Variants in CNTN5 observed in about 807,000 individuals in gnomAD.
CNTN5 encodes the protein contactin-5.
A neutral mutation model predicts 129.1 loss-of-function variants in CNTN5; 77 were observed. The ratio of observed to expected loss-of-function variants is 0.60; its 90% confidence interval spans 0.50 to 0.72. The LOEUF (loss-of-function observed/expected upper bound fraction) is 0.72. Ranked by LOEUF, CNTN5 falls within the 30% of genes least tolerant of loss-of-function variation. The probability of loss-of-function intolerance (pLI) is 0.00; values close to 1 mark genes in which losing one functional copy is unlikely to be tolerated. For missense variants in CNTN5, 1,478 were observed against 1,328.8 expected (o/e 1.11, Z -1.75); for synonymous variants, 509 against 465.6 (o/e 1.09, Z -1.20).
chr11:99,931,194 G>GA (rs1164209524), intron 7 of CNTN5, among the ~76,000 whole-genome samples: 2 of 152,052 alleles, frequency 1.3e-5, no homozygotes, highest in Non-Finnish European at 2.9e-5. Flanking sequence ...TATTTCAATA[G>GA]AAAAATGTTT....
intron 1 of CNTN5, among the ~76,000 whole-genome samples, chr11:99,323,319 T>G (rs1865647103): frequency 6.6e-6 from 1 of 152,150 alleles, no homozygotes. Flanking sequence ...CATACTGTCT[T>G]AAAGACAAGC....
intron 3 of CNTN5, among the ~76,000 whole-genome samples, chr11:99,785,698 A>G (rs897253736): frequency 2.0e-5 from 3 of 152,138 alleles, no homozygotes; most frequent in Admixed American, 6.5e-5. Context: ...GGTTCAACAT[A>G]TACAAATCAA....
At chr11:99,296,343 A>G (rs907041957) in intron 1 of CNTN5, among the ~76,000 whole-genome samples, 1 of 152,168 alleles carries the variant, frequency 6.6e-6, no homozygotes, top group African/African-American at 2.4e-5. Context: ...TGAATGGCAG[A>G]GATAGTCTTT....
intron 1 of CNTN5, among the ~76,000 whole-genome samples, chr11:99,042,379 T>C (rs1452369168): frequency 5.9e-5 from 8 of 134,664 alleles, no homozygotes; most frequent in African/African-American, 2.2e-4. Context: ...TTTTTTTTTT[T>C]TTTTTTTTTT....
chr11:100,077,439 T>C (rs1015663215), intron 13 of CNTN5, among the ~76,000 whole-genome samples: 2 of 152,160 alleles, frequency 1.3e-5, no homozygotes, highest in East Asian at 3.8e-4. Context: ...TCCAAAGAAC[T>C]ATTGAAACAG....
At chr11:99,375,500 A>C (rs1385592269) in intron 2 of CNTN5, among the ~76,000 whole-genome samples, 3 of 152,132 alleles carry the variant, frequency 2.0e-5, no homozygotes, top group African/African-American at 7.2e-5. Flanking sequence ...GATGGAGTTT[A>C]TTAAAGAACA....
rs373213109 is a variant in CNTN5, at chr11:99,796,396, TA to T, written c.56-23147del. 3.7e-4 allele frequency among the ~76,000 whole-genome samples: 56 copies of T among 151,556 alleles called. 1 individual carries two copies. Among genetic ancestry groups the T allele is most frequent in the Non-Finnish European group, 4.6e-4 (31 of 67,816 alleles). On this transcript the variant is annotated intron_variant, in intron 3 of 24. Coordinates refer to ENST00000524871, the MANE Select transcript of CNTN5 (RefSeq NM_014361.4). Reference sequence around the variant, plus strand: ...GTATGCATGTGTGCTGGCAAAGTGATAGGGGGGTAGCCATAGGCAAGTGTAT... The same window carrying T: ...GTATGCATGTGTGCTGGCAAAGTGATGGGGGGTAGCCATAGGCAAGTGTAT...
At chr11:99,242,936 T>C (rs973114226) in intron 1 of CNTN5, among the ~76,000 whole-genome samples, 2 of 152,098 alleles carry the variant, frequency 1.3e-5, no homozygotes, top group African/African-American at 4.8e-5. Context: ...GACAGTGCTG[T>C]GATGAACCTG....
chr11:99,267,918 A>ACACG (rs1555095720), intron 1 of CNTN5, among the ~76,000 whole-genome samples: 28 of 117,134 alleles, frequency 2.4e-4, no homozygotes, highest in Non-Finnish European at 4.4e-4. Context: ...ACACACACAC[A>ACACG]CGCACACACA....
At chr11:100,199,219 A>G (rs1948717305) in intron 15 of CNTN5, among the ~76,000 whole-genome samples, 1 of 151,706 alleles carries the variant, frequency 6.6e-6, no homozygotes, top group Admixed American at 6.6e-5. Flanking sequence ...GGAAGATCTA[A>G]CAAAGGCTCA....
At chr11:100,224,952 C>A (rs889227745) in intron 16 of CNTN5, 140 bp downstream of exon 16, 3 of 829,384 alleles carry the variant, frequency 3.6e-6, no homozygotes, top group African/African-American at 3.4e-5. Context: ...TTCGCTTAAC[C>A]TTTTGCCTTT....
chr11:99,385,404 C>T (rs1194483787), intron 2 of CNTN5, among the ~76,000 whole-genome samples: 1 of 152,056 alleles, frequency 6.6e-6, no homozygotes, highest in East Asian at 1.9e-4. Context: ...ATCACCAATC[C>T]AGCTTGGATT....
At chr11:99,980,948 T>A (rs11821899) in intron 8 of CNTN5, among the ~76,000 whole-genome samples, 44,378 of 151,072 alleles carry the variant, frequency 0.29, 6,877 homozygotes, top group African/African-American at 0.38. Context: ...AAGCAATATA[T>A]TAAAGGGTTA....
chr11:99,282,028 G>T (rs765324258), intron 1 of CNTN5, among the ~76,000 whole-genome samples: 48 of 151,600 alleles, frequency 3.2e-4, no homozygotes, highest in African/African-American at 1.1e-3. Flanking sequence ...TTTTTGTTTT[G>T]TTTTACTGTG....
chr11:99,056,743 G>A (rs1864640371), intron 1 of CNTN5, among the ~76,000 whole-genome samples: 1 of 151,936 alleles, frequency 6.6e-6, no homozygotes, highest in African/African-American at 2.4e-5. Context: ...ACAAGACAGG[G>A]TCCTGCTGCA....
At chr11:100,219,518 A>C (rs1355559368) in intron 15 of CNTN5, among the ~76,000 whole-genome samples, 1 of 152,230 alleles carries the variant, frequency 6.6e-6, no homozygotes, top group Non-Finnish European at 1.5e-5. Flanking sequence ...ACTTGTGTTA[A>C]TGTCAGATAA....
At chr11:100,144,002 C>T (rs929869758) in intron 13 of CNTN5, among the ~76,000 whole-genome samples, 6 of 152,156 alleles carry the variant, frequency 3.9e-5, no homozygotes, top group African/African-American at 1.2e-4. Context: ...CATTTTCTTA[C>T]ATCATTCTCT....
chr11:99,187,383 TTTAATACAAATTACAATTTACAAA>T (rs904728191), intron 1 of CNTN5, among the ~76,000 whole-genome samples: 1 of 151,746 alleles, frequency 6.6e-6, no homozygotes, highest in African/African-American at 2.4e-5. Context: ...TACATGTTAT[TTTAATACAAATTACAATTTACAAA>T]TTAATACAAA....
Position 100,357,497 on chromosome 11 carries a change from TTGA to T in CNTN5, c.*1282_*1284del, listed in dbSNP as rs1952550029. 6.6e-6 allele frequency: 1 copy of T among 151,696 alleles called. No individual in the cohort carries two copies. The highest frequency in any genetic ancestry group is 1.5e-5 in the Non-Finnish European group (1 of 67,766). The allele number at this position is 151,696 out of a possible 1,614,324, so 9.4% of individuals were successfully genotyped here. ...GGAAAATGAGATGAAAATTTTCTAC[TTGA>T]TGATATCTTAAAGAAGTTCTAACAA... is the stretch of plus-strand genomic sequence containing the variant. On this transcript the variant is annotated 3_prime_UTR_variant, in exon 25 of 25. Transcript: ENST00000524871.
Sources: allele counts gnomAD v4.1 joint callset (sites outside exome capture counted in the v4.1 genomes callset), GRCh38; gene constraint gnomAD v4.1.1; transcripts MANE v1.5; gene names NCBI Gene and HGNC (gene_info 2026-07-23, HGNC 2026-07-21).